The following ATP6V0A2 variants were observed in gnomAD, a reference collection of about 807,000 sequenced individuals.
The protein encoded by ATP6V0A2 is ATPase H+ transporting V0 subunit a2, also known as V-type proton ATPase 116 kDa subunit a 2.
In ATP6V0A2, 58 loss-of-function variants were observed where a neutral mutation model predicts 104.4. The ratio of observed to expected loss-of-function variants is 0.56; its 90% CI spans 0.45 to 0.69. The LOEUF is 0.69. Among genes scored for constraint, ATP6V0A2 ranks in the 30% least tolerant of loss-of-function variants. ATP6V0A2 has a pLI of 0.00. For synonymous variants in ATP6V0A2, 376 were observed against 397.9 expected (o/e 0.95, Z 0.65); for missense variants, 938 against 1,062.9 (o/e 0.88, Z 1.63).
intron 9 of ATP6V0A2, among the ~76,000 whole-genome samples, chr12:123,742,606 G>A (rs1187110729): frequency 6.6e-6 from 1 of 152,162 alleles, no homozygotes; most frequent in Non-Finnish European, 1.5e-5. Flanking sequence ...GGAGGCCGAG[G>A]TGGGCAGATC....
At chr12:123,719,171 G>C (rs1956372897) in intron 2 of ATP6V0A2, among the ~76,000 whole-genome samples, 1 of 152,188 alleles carries the variant, frequency 6.6e-6, no homozygotes, top group Non-Finnish European at 1.5e-5. Context: ...GGAAGATAGA[G>C]TGATTGACAA....
intron 1 of ATP6V0A2, among the ~76,000 whole-genome samples, chr12:123,713,500 T>G (rs1956312196): frequency 6.6e-6 from 1 of 152,114 alleles, no homozygotes; most frequent in Admixed American, 6.6e-5. Flanking sequence ...TGGCAGTCAT[T>G]GGCATCGATA....
chr12:123,723,198 C>G (rs948487272), intron 3 of ATP6V0A2: 9 of 152,162 alleles, frequency 5.9e-5, no homozygotes, highest in Admixed American at 5.9e-4. Flanking sequence ...GAGAACTCTC[C>G]AACCAGATGA....
At position 123,712,575 on chromosome 12, in the gene ATP6V0A2, C is replaced by G; in HGVS notation, c.10C>G (p.Leu4Val). The change falls in exon 1 of 20, where the codon CTG becomes GTG. Residue 4 changes from leucine to valine, a missense_variant. Transcript: ENST00000330342. ...CGCGGGTCGGCCCGCCATGGGGTCC[C>G]TGTTCCGGAGCGAGACCATGTGCCT... MGSLFRSETMCLAQ... is the reference protein window; with the variant it reads MGSVFRSETMCLAQ... 6.3e-7 allele frequency: 1 copy of G among 1,593,276 alleles called. No homozygotes were observed. The highest frequency in any genetic ancestry group is 2.3e-5 in the East Asian group (1 of 43,798).
intron 17 of ATP6V0A2, 83 bp from the exon 18 acceptor site, chr12:123,754,337 T>A: frequency 9.4e-7 from 1 of 1,061,594 alleles, no homozygotes; most frequent in Non-Finnish European, 1.5e-6. Context: ...TTCATTGTAA[T>A]CCTTGAAGTG....
intron 1 of ATP6V0A2, among the ~76,000 whole-genome samples, chr12:123,717,423 A>G (rs970255963): frequency 1.4e-5 from 2 of 147,202 alleles, no homozygotes; most frequent in African/African-American, 5.0e-5. Flanking sequence ...TATAGACTGT[A>G]ATTTCTTTTC....
chr12:123,722,240 T>C, intron 2 of ATP6V0A2, 111 bp from the exon 3 acceptor site: 1 of 812,810 alleles, frequency 1.2e-6, no homozygotes, highest in Non-Finnish European at 2.1e-6. Context: ...TTTTGTGCAT[T>C]TAGACATTGA....
Position 123,744,106 on chromosome 12 carries a change from A to C in ATP6V0A2, c.1190-95A>C. 3 of 1,567,386 alleles carry C rather than the reference A, an allele frequency of 1.9e-6. No individual in the cohort carries two copies. Among genetic ancestry groups the C allele is most frequent in the Non-Finnish European group, 2.6e-6 (3 of 1,139,172 alleles). On this transcript the variant is annotated intron_variant, in intron 10 of 19. Transcript: ENST00000330342. This position sits in a 1 kb window ranked among gnomAD's most constrained non-coding sequence, Gnocchi z 5.4. ...CACAATCCTATCTTGTGAATTCTGG[A>C]GAAAGTCAAGATTGTTATGTATCAT...
intron 1 of ATP6V0A2, among the ~76,000 whole-genome samples, chr12:123,717,171 C>T (rs1005918962): frequency 5.3e-5 from 8 of 151,714 alleles, no homozygotes; most frequent in South Asian, 2.1e-4. Flanking sequence ...AAAAATTAGC[C>T]GGGGGTGGTG....
chr12:123,757,439 C>CA (rs35359843), intron 19 of ATP6V0A2, among the ~76,000 whole-genome samples: 2,586 of 149,218 alleles, frequency 0.017, 27 homozygotes, highest in Non-Finnish European at 0.026. Flanking sequence ...AACTCTGTGT[C>CA]AAAAAAAAAA....
chr12:123,738,569 A>C (rs181844900), intron 9 of ATP6V0A2, among the ~76,000 whole-genome samples: 37 of 152,040 alleles, frequency 2.4e-4, no homozygotes, highest in African/African-American at 8.7e-4. Context: ...TTGACTTAGG[A>C]TGTTTCTGTT....
Position 123,758,947 on chromosome 12 carries a change from C to T in ATP6V0A2, c.*915C>T, listed in dbSNP as rs1956788058. ...AAATGACATACAACAAATGGTTATC[C>T]CACTTGTATATTTTTTTAAAGACTC... is the stretch of plus-strand genomic sequence containing the variant. On this transcript the variant is annotated 3_prime_UTR_variant, in exon 20 of 20. Transcript: ENST00000330342. 1 of 152,410 alleles carries T rather than the reference C, an allele frequency of 6.6e-6. No homozygotes were observed. The highest frequency in any genetic ancestry group is 2.4e-5 in the African/African-American group (1 of 41,366). The allele number at this position is 152,410 out of a possible 1,614,324, so 9.4% of individuals were successfully genotyped here. A position where few individuals can be genotyped will look rare whatever the true frequency, so the allele number is the denominator to read the frequency against.
chr12:123,714,477 A>T (rs1452075525), intron 1 of ATP6V0A2, among the ~76,000 whole-genome samples: 1 of 152,140 alleles, frequency 6.6e-6, no homozygotes, highest in Admixed American at 6.5e-5. Context: ...AGCTAGTGGG[A>T]AGTACCTGGA....
chr12:123,713,605 A>G (rs1956313089), intron 1 of ATP6V0A2, among the ~76,000 whole-genome samples: 1 of 152,018 alleles, frequency 6.6e-6, no homozygotes, highest in Non-Finnish European at 1.5e-5. Context: ...AGCAAGGCAG[A>G]CACAGTCCCT....
At chr12:123,717,549 A>G (rs997409167) in intron 1 of ATP6V0A2, among the ~76,000 whole-genome samples, 1 of 151,200 alleles carries the variant, frequency 6.6e-6, no homozygotes, top group South Asian at 2.1e-4. Flanking sequence ...GGCTCAAGCA[A>G]TCCTCCTGCC....
chr12:123,744,824 A>C lies in ATP6V0A2; in HGVS notation c.1514+40A>C, dbSNP rs200568883. On this transcript the variant is annotated intron_variant, in intron 12 of 19. Transcript: ENST00000330342. The surrounding 1 kb of genome is among the most constrained non-coding windows in gnomAD (Gnocchi z 5.4). ...GCTGGTGATGCTCTGGGTGGAAAGC[A>C]TGTTTCCTAGACCTTCCTCCTCCCA... The C allele has an allele frequency of 1.9e-6, 3 of 1,614,030 alleles. No homozygotes were observed. In the East Asian group the frequency reaches 6.7e-5, roughly 36 times the overall value.
intron 13 of ATP6V0A2, 114 bp from the exon 14 acceptor site, chr12:123,747,493 T>A (rs1016599395): frequency 1.1e-5 from 9 of 784,494 alleles, no homozygotes; most frequent in Non-Finnish European, 2.1e-5. Flanking sequence ...AGCCTGAATA[T>A]TGTTTCCTTC....
At chr12:123,717,949 G>A (rs1187980434) in intron 1 of ATP6V0A2, among the ~76,000 whole-genome samples, 1 of 151,816 alleles carries the variant, frequency 6.6e-6, no homozygotes, top group African/African-American at 2.4e-5. Flanking sequence ...TTTTGACCCA[G>A]GGTCTCACTG....
rs2135893076 is a variant in ATP6V0A2 at position 123,729,529 on chromosome 12, G to A, written c.648+1620G>A. Among the ~76,000 whole-genome samples the A allele has an allele frequency of 2.0e-5, 3 of 152,154 alleles. No homozygotes were observed. In the Middle Eastern group the frequency reaches 0.01, roughly 518 times the overall value. ...ATCCCCATGTACATACCTAACAGCT[G>A]TGGGGCCGAATGGTTCAGAAGGGAG... On this transcript the variant is annotated intron_variant, in intron 6 of 19. Transcript: ENST00000330342.
Sources: gnomAD v4.1 joint callset for allele counts (sites outside exome capture counted in the v4.1 genomes callset) on GRCh38, gnomAD v4.1.1 for gene constraint, Gnocchi (gnomAD v3.1) non-coding constraint, MANE v1.5 for transcripts, NCBI Gene and HGNC (gene_info 2026-07-23, HGNC 2026-07-21) for gene names.